The following RTTN variants were observed in gnomAD, a reference collection of about 807,000 sequenced individuals.
RTTN encodes the protein rotatin.
RTTN carries 182 observed loss-of-function variants against 269.2 expected under a neutral mutation model. The ratio of observed to expected loss-of-function variants is 0.68; its 90% confidence interval spans 0.60 to 0.76. The LOEUF (loss-of-function observed/expected upper bound fraction) is 0.76, where lower values mean the gene tolerates loss of function less well. RTTN is among the 30% of genes least tolerant of loss of function. The probability of loss-of-function intolerance (pLI) is 0.00; values close to 1 mark genes in which losing one functional copy is unlikely to be tolerated. For missense variants in RTTN, 2,545 were observed against 2,608.6 expected (o/e 0.98, Z 0.53); for synonymous variants, 1,006 against 963.5 (o/e 1.04, Z -0.82).
At position 70,051,475 on chromosome 18, in the gene RTTN, T is replaced by C. The variant is rs1218745291; in HGVS notation, c.5259A>G (p.Lys1753=). 34 of 1,613,842 alleles carry C rather than the reference T, an allele frequency of 2.1e-5. No individual in the cohort carries two copies. The highest frequency in any genetic ancestry group is 2.5e-5 in the Non-Finnish European group (30 of 1,179,872). The change falls in exon 39 of 49, where the codon AAA becomes AAG. Residue 1753 remains lysine, a synonymous_variant. Coordinates refer to ENST00000640769, the MANE Select transcript of RTTN (RefSeq NM_173630.4). ...LFNLLAMLLR[K]AGAITLPFVT... ...CAAACGGGAGTGTGATGGCACCAGCTTTCCTCAGGAGCATGGCCAGAAGAT... is the reference window on the plus strand; with the variant it reads ...CAAACGGGAGTGTGATGGCACCAGCCTTCCTCAGGAGCATGGCCAGAAGAT...
intron 25 of RTTN, among the ~76,000 whole-genome samples, chr18:70,123,198 ATTTGT>A (rs775530690): frequency 5.3e-5 from 8 of 152,186 alleles, no homozygotes; most frequent in African/African-American, 1.9e-4. Context: ...TATTCCATTT[ATTTGT>A]TTTATTTTTA....
intron 7 of RTTN, 91 bp downstream of exon 7, chr18:70,196,410 C>T: frequency 1.8e-6 from 2 of 1,126,670 alleles, no homozygotes; most frequent in Non-Finnish European, 1.3e-6. Context: ...AAAATGCGTA[C>T]ACAATAAACC....
At chr18:70,092,548 C>T (rs962843069) in intron 29 of RTTN, 128 bp downstream of exon 29, 218 of 982,116 alleles carry the variant, frequency 2.2e-4, no homozygotes, top group Middle Eastern at 5.0e-4. Context: ...AAATCATTCA[C>T]GTTACCTAAA....
chr18:70,113,594 G>A (rs1439239889), intron 27 of RTTN, among the ~76,000 whole-genome samples: 1 of 152,098 alleles, frequency 6.6e-6, no homozygotes. Flanking sequence ...ATCTGTATAT[G>A]AGTGTTTACA....
At position 70,127,587 on chromosome 18, in the gene RTTN, G is replaced by A; in HGVS notation, c.3298C>T (p.Leu1100=). Residue 1100 remains leucine, a synonymous_variant, in exon 25 of 49, where the codon CTG becomes TTG. Coordinates refer to ENST00000640769, the MANE Select transcript of RTTN (RefSeq NM_173630.4). ...AAVTRMSFYL[L]NDRLSLKGCP... is the part of the protein sequence containing the mutation. The stretch of plus-strand genomic sequence containing the variant: ...CCCTTTAAAGACAATCTGTCATTCA[G>A]AAGATAAAAACTCATCCTGGTGACA... 1.9e-6 allele frequency: 3 copies of A among 1,613,514 alleles called. No homozygotes were observed. The highest frequency in any genetic ancestry group is 2.5e-6 in the Non-Finnish European group (3 of 1,179,716).
intron 28 of RTTN, among the ~76,000 whole-genome samples, chr18:70,098,991 C>T (rs1599532686): frequency 6.6e-6 from 1 of 152,164 alleles, no homozygotes; most frequent in African/African-American, 2.4e-5. Flanking sequence ...TTTATGGCTG[C>T]ATAGTATTAC....
chr18:70,076,471 C>A (rs897537395), intron 32 of RTTN, among the ~76,000 whole-genome samples: 8 of 152,016 alleles, frequency 5.3e-5, no homozygotes, highest in Admixed American at 6.6e-5. Context: ...GATATTTTAA[C>A]TTACTCTTCA....
At chr18:70,095,092 A>C (rs2058964398) in intron 28 of RTTN, among the ~76,000 whole-genome samples, 1 of 149,514 alleles carries the variant, frequency 6.7e-6, no homozygotes, top group South Asian at 2.1e-4. Flanking sequence ...TTGGTTTAAA[A>C]TCTGTTTTAT....
intron 28 of RTTN, among the ~76,000 whole-genome samples, chr18:70,106,935 C>G (rs888122501): frequency 6.6e-6 from 1 of 152,174 alleles, no homozygotes; most frequent in African/African-American, 2.4e-5. Context: ...GAGGTCCGAA[C>G]ACAGTTAGCA....
intron 43 of RTTN, among the ~76,000 whole-genome samples, chr18:70,025,057 G>A (rs1219209120): frequency 6.6e-6 from 1 of 152,220 alleles, no homozygotes; most frequent in African/African-American, 2.4e-5. Context: ...CAACACCAGG[G>A]TGGTTAAGAT....
At chr18:70,101,938 G>C (rs1456769780) in intron 28 of RTTN, among the ~76,000 whole-genome samples, 1 of 152,180 alleles carries the variant, frequency 6.6e-6, no homozygotes, top group Admixed American at 6.5e-5. Flanking sequence ...TGTGGTTTGA[G>C]ACACAGTTTA....
At chr18:70,051,201 G>T (rs1407057569) in intron 39 of RTTN, among the ~76,000 whole-genome samples, 2 of 152,172 alleles carry the variant, frequency 1.3e-5, no homozygotes, top group African/African-American at 4.8e-5. Flanking sequence ...TCGCTTTTAT[G>T]TTATCTCAAA....
rs1395888158 is a variant in RTTN at position 70,148,976 on chromosome 18, G to C, written c.2234C>G (p.Ser745Cys). The change falls in exon 17 of 49, where the codon TCT becomes TGT. Residue 745 changes from serine to cysteine, a missense_variant. Ser to Cys is a moderately radical substitution (Grantham distance 112). Coordinates refer to ENST00000640769, the MANE Select transcript of RTTN (RefSeq NM_173630.4). ...ACACGGAAGCATCTCTTCTGTGTCAGAACTTGCTTTGCTTAGAAGGAGAAT... is the reference window on the plus strand; with the variant it reads ...ACACGGAAGCATCTCTTCTGTGTCACAACTTGCTTTGCTTAGAAGGAGAAT... ...NCILLLSKAS[S>C]DTEEMLPCTT... The C allele has an allele frequency of 6.2e-7, 1 of 1,613,470 alleles. No individual in the cohort carries two copies. The highest frequency in any genetic ancestry group is 1.3e-5 in the African/African-American group (1 of 74,878).
chr18:70,061,795 C>T (rs1200322383), intron 35 of RTTN, among the ~76,000 whole-genome samples: 2 of 152,170 alleles, frequency 1.3e-5, no homozygotes, highest in East Asian at 3.9e-4. Flanking sequence ...GATCACAGCA[C>T]TGTCCTCCAG....
chr18:70,032,603 G>A (rs369154251), intron 40 of RTTN, among the ~76,000 whole-genome samples: 3 of 152,250 alleles, frequency 2.0e-5, no homozygotes, highest in Middle Eastern at 6.8e-3. Flanking sequence ...AAATAGTAAA[G>A]GACTCAATTC....
In RTTN at chr18:70,017,496, T is replaced by C; in HGVS notation, c.6332A>G (p.Tyr2111Cys). ...CAATAAAGGGCTGCTCTTGTGCTTG[T>C]ATTTGCTCATCTCTGTTAGTAAGTC... The part of the protein sequence containing the change: ...CLDLLTEMSK[Y>C]KHKSSPLLPL... Residue 2111 changes from tyrosine to cysteine, a missense_variant, in exon 46 of 49, where the codon TAC becomes TGC. Coordinates refer to ENST00000640769, the MANE Select transcript of RTTN (RefSeq NM_173630.4). 1 of 1,614,062 alleles carries C rather than the reference T, an allele frequency of 6.2e-7. No individual in the cohort carries two copies. The highest frequency in any genetic ancestry group is 8.5e-7 in the Non-Finnish European group (1 of 1,179,970).
intron 12 of RTTN, among the ~76,000 whole-genome samples, 167 bp downstream of exon 12, chr18:70,168,688 C>G (rs975224960): frequency 1.3e-5 from 2 of 152,136 alleles, no homozygotes; most frequent in African/African-American, 4.8e-5. Context: ...CAAATCATAT[C>G]CTTACTTTAA....
intron 40 of RTTN, among the ~76,000 whole-genome samples, chr18:70,034,289 G>A (rs1269841944): frequency 6.6e-6 from 1 of 152,132 alleles, no homozygotes; most frequent in Non-Finnish European, 1.5e-5. Context: ...GAACAGCAAT[G>A]CAAAAACCCT....
chr18:70,103,720 C>A (rs1285880036), intron 28 of RTTN, among the ~76,000 whole-genome samples: 2 of 150,470 alleles, frequency 1.3e-5, no homozygotes, highest in African/African-American at 4.9e-5. Flanking sequence ...CCTGCCACAT[C>A]CCCCTCTCCG....
Sources: gnomAD v4.1 joint callset for allele counts (sites outside exome capture counted in the v4.1 genomes callset) on GRCh38, gnomAD v4.1.1 for gene constraint, MANE v1.5 for transcripts, NCBI Gene and HGNC (gene_info 2026-07-23, HGNC 2026-07-21) for gene names.